The following ANK3 variants were observed in gnomAD, a reference collection of about 807,000 sequenced individuals.
ANK3 encodes ankyrin-3.
A neutral mutation model predicts 370.9 loss-of-function variants in ANK3; 57 were observed. That is an observed-to-expected ratio of 0.15 (90% CI 0.12 to 0.19). ANK3 has a LOEUF of 0.19. ANK3 is among the 10% of genes least tolerant of loss of function. The pLI, the probability that ANK3 is intolerant of heterozygous loss-of-function variation, is 1.00. For missense variants in ANK3, 4,439 were observed against 5,302.1 expected (o/e 0.84, Z 5.06); for synonymous variants, 1,929 against 1,946.3 (o/e 0.99, Z 0.23).
chr10:60,616,423 C>A (rs902937728), intron 1 of ANK3, among the ~76,000 whole-genome samples: 2 of 152,156 alleles, frequency 1.3e-5, no homozygotes, highest in Non-Finnish European at 1.5e-5. Context: ...TCAATACACA[C>A]AGTCTCACAT....
intron 2 of ANK3, among the ~76,000 whole-genome samples, chr10:60,408,936 CAA>C: frequency 6.6e-6 from 1 of 152,188 alleles, no homozygotes; most frequent in South Asian, 2.1e-4. Context: ...AACTAATTAA[CAA>C]GAGTAAGGAG....
intron 9 of ANK3, 34 bp downstream of exon 9, chr10:60,213,378 C>T (rs749006600): frequency 1.4e-6 from 2 of 1,431,482 alleles, no homozygotes; most frequent in East Asian, 2.3e-5. Context: ...AAAATAAATA[C>T]AGTCCAATGT....
At chr10:60,648,909 G>A (rs1264624614) in intron 1 of ANK3, among the ~76,000 whole-genome samples, 1 of 151,912 alleles carries the variant, frequency 6.6e-6, no homozygotes, top group Non-Finnish European at 1.5e-5. Context: ...AAACCAAGGA[G>A]AATCTGCTAG....
intron 2 of ANK3, among the ~76,000 whole-genome samples, chr10:60,491,249 CT>C (rs200222863): frequency 6.6e-6 from 1 of 152,030 alleles, no homozygotes; most frequent in African/African-American, 2.4e-5. Flanking sequence ...GTATATTAGT[CT>C]TTTTGTAGAA....
intron 16 of ANK3, among the ~76,000 whole-genome samples, chr10:60,192,290 C>T (rs1239033356): frequency 6.6e-6 from 1 of 151,324 alleles, no homozygotes; most frequent in Non-Finnish European, 1.5e-5. Flanking sequence ...ATGGTATGCA[C>T]ATATTGCATA....
intron 36 of ANK3, among the ~76,000 whole-genome samples, chr10:60,079,847 G>A (rs2084768740): frequency 6.6e-6 from 1 of 151,932 alleles, no homozygotes; most frequent in African/African-American, 2.4e-5. Context: ...GAGAGAGGGA[G>A]AATATATAAA....
chr10:60,592,915 C>T (rs776864368), intron 2 of ANK3, among the ~76,000 whole-genome samples: 2 of 152,178 alleles, frequency 1.3e-5, no homozygotes, highest in African/African-American at 2.4e-5. Flanking sequence ...GAAAGTAACA[C>T]TCCACAACGA....
In ANK3 at chr10:60,140,307, C is replaced by G. The variant is rs758619488; in HGVS notation, c.2615-1220G>C. The G allele has an allele frequency of 1.9e-6, 3 of 1,601,616 alleles. No individual in the cohort carries two copies. The East Asian group carries it at 6.7e-5, about 36-fold the overall frequency. On this transcript the variant is annotated intron_variant, in intron 23 of 43. Transcript: ENST00000280772. ...TGGGCTATTTGCACATTCACTGCATCTCAAACAAAAACAGCACACACCAAG... is the reference window on the plus strand; with the variant it reads ...TGGGCTATTTGCACATTCACTGCATGTCAAACAAAAACAGCACACACCAAG...
chr10:60,104,357 C>CAAAAAAAAAAAA (rs747064489), intron 28 of ANK3, among the ~76,000 whole-genome samples: 4 of 53,728 alleles, frequency 7.4e-5, no homozygotes, highest in Non-Finnish European at 1.4e-4. Flanking sequence ...GACTCCATCT[C>CAAAAAAAAAAAA]AAAAAAAAAA....
intron 1 of ANK3, among the ~76,000 whole-genome samples, chr10:60,648,767 T>A (rs868388106): frequency 2.7e-5 from 3 of 112,254 alleles, no homozygotes; most frequent in Admixed American, 9.6e-5. Flanking sequence ...AAGACTGTCT[T>A]AAAAAAAAAA....
At chr10:60,583,855 A>G (rs1040951877) in intron 2 of ANK3, among the ~76,000 whole-genome samples, 7 of 152,080 alleles carry the variant, frequency 4.6e-5, no homozygotes, top group Non-Finnish European at 8.8e-5. Context: ...AAGTGCTGAC[A>G]TTACAGGCAT....
At chr10:60,048,570 A>G (rs1429081374) in intron 42 of ANK3, among the ~76,000 whole-genome samples, 1 of 152,216 alleles carries the variant, frequency 6.6e-6, no homozygotes. Context: ...TAAGCTACAC[A>G]TATTCTCCCA....
At chr10:60,261,254 A>G (rs1219201002) in intron 7 of ANK3, among the ~76,000 whole-genome samples, 1 of 152,188 alleles carries the variant, frequency 6.6e-6, no homozygotes, top group Non-Finnish European at 1.5e-5. Context: ...GCTGAACACC[A>G]GTTTTTAAAT....
chr10:60,706,306 G>GA (rs2079616226), intron 1 of ANK3, among the ~76,000 whole-genome samples: 1 of 152,150 alleles, frequency 6.6e-6, no homozygotes, highest in Non-Finnish European at 1.5e-5. Context: ...TCTCTGACCA[G>GA]AAACATTCCA....
intron 42 of ANK3, chr10:60,043,709 G>A (rs985391850): frequency 1.0e-5 from 10 of 985,298 alleles, no homozygotes; most frequent in Admixed American, 1.2e-4. Context: ...AGTGCTCTCC[G>A]CCCCTGTCCC....
Position 60,070,211 on chromosome 10 carries a change from C to G in ANK3, c.10670G>C (p.Ser3557Thr). The change falls in exon 37 of 44, where the codon AGT becomes ACT. Residue 3557 changes from serine (S) to threonine (T), a missense_variant. By Grantham distance (58) the Ser-to-Thr change is moderately conservative. Transcript: ENST00000280772. The surrounding 1 kb of genome is among the most constrained non-coding windows in gnomAD (Gnocchi z 5.7). ...CTTAGTTTCATCTTCCCGTGATTTA[C>G]TGTCAAAAACTTCATCATCCCCTCG... ...NNRGDDEVFD[S>T]KSREDETKPF... 6.2e-7 allele frequency: 1 copy of G among 1,614,132 alleles called. No homozygotes were observed.
chr10:60,122,198 A>C (rs2093521082), intron 25 of ANK3, among the ~76,000 whole-genome samples: 1 of 152,166 alleles, frequency 6.6e-6, no homozygotes, highest in African/African-American at 2.4e-5. Flanking sequence ...CTACCCCTTT[A>C]TATTCATTTT....
chr10:60,059,275 T>C (rs1395817943), intron 41 of ANK3, 65 bp downstream of exon 41: 7 of 1,377,142 alleles, frequency 5.1e-6, no homozygotes, highest in East Asian at 2.3e-5. Context: ...CTAAAAAGCA[T>C]GTATTTAAGA....
At chr10:60,364,652 T>G (rs911719138) in intron 1 of ANK3, among the ~76,000 whole-genome samples, 7 of 152,120 alleles carry the variant, frequency 4.6e-5, no homozygotes, top group Non-Finnish European at 5.9e-5. Context: ...GTAACAAACC[T>G]GCACATTCTG....
Sources: gnomAD v4.1 joint callset for allele counts (sites outside exome capture counted in the v4.1 genomes callset) on GRCh38, gnomAD v4.1.1 for gene constraint, Gnocchi (gnomAD v3.1) non-coding constraint, MANE v1.5 for transcripts, NCBI Gene and HGNC (gene_info 2026-07-23, HGNC 2026-07-21) for gene names.